NUBPL: variants seen among roughly 807,000 people sequenced by gnomAD.
NUBPL encodes the protein NUBP iron-sulfur cluster assembly factor, mitochondrial.
A neutral mutation model predicts 45.7 loss-of-function variants in NUBPL; 31 were observed. The ratio of observed to expected loss-of-function variants is 0.68; its 90% CI spans 0.51 to 0.92. The LOEUF (loss-of-function observed/expected upper bound fraction) is 0.92. NUBPL is among the 40% of genes least tolerant of loss of function. The pLI, the probability that NUBPL is intolerant of heterozygous loss-of-function variation, is 0.00. For synonymous variants in NUBPL, 144 were observed against 140.9 expected (o/e 1.02, Z -0.15); for missense variants, 401 against 398.7 (o/e 1.01, Z -0.05).
At chr14:31,687,676 A>G (rs969174836) in intron 6 of NUBPL, among the ~76,000 whole-genome samples, 7 of 152,244 alleles carry the variant, frequency 4.6e-5, no homozygotes, top group African/African-American at 1.7e-4. Flanking sequence ...CAATTATTAC[A>G]GTAAAAAGTT....
intron 7 of NUBPL, among the ~76,000 whole-genome samples, chr14:31,802,563 A>T (rs1295533429): frequency 6.6e-6 from 1 of 152,166 alleles, no homozygotes; most frequent in Admixed American, 6.5e-5. Flanking sequence ...GGCGTGAGCC[A>T]CCGTACCTGG....
intron 3 of NUBPL, among the ~76,000 whole-genome samples, chr14:31,580,832 G>T (rs1332216283): frequency 6.6e-6 from 1 of 152,158 alleles, no homozygotes; most frequent in Non-Finnish European, 1.5e-5. Context: ...TAAACAGGAA[G>T]AAGGTCCATG....
At chr14:31,771,197 C>T (rs1026131435) in intron 6 of NUBPL, among the ~76,000 whole-genome samples, 1 of 152,086 alleles carries the variant, frequency 6.6e-6, no homozygotes, top group East Asian at 1.9e-4. Flanking sequence ...AGGAAATTTA[C>T]ACTCTAGATT....
Position 31,682,441 on chromosome 14 carries a change from G to A in NUBPL, c.513+8867G>A, listed in dbSNP as rs567360802. 3.3e-5 allele frequency among the ~76,000 whole-genome samples: 5 copies of A among 152,032 alleles called. No individual in the cohort carries two copies. The South Asian group carries it at 6.2e-4, about 19-fold the overall frequency. On this transcript the variant is annotated intron_variant, in intron 6 of 10. Coordinates refer to ENST00000281081, the MANE Select transcript of NUBPL (RefSeq NM_025152.3). ...GTGAGTCTCTTGATTTCAACATTTA[G>A]TTGTATCTTACTGTTTTATCCAGTT... is the stretch of plus-strand genomic sequence containing the variant.
Position 31,671,330 on chromosome 14 carries a change from G to A in NUBPL, c.383-2025G>A, listed in dbSNP as rs553837279. On this transcript the variant is annotated intron_variant, in intron 4 of 10. Transcript: ENST00000281081. ...CTTGACTATTGCGAATAGTGCTGCA[G>A]TAAACATAGGAGTGCAGATATCTCT... 5.3e-5 allele frequency among the ~76,000 whole-genome samples: 8 copies of A among 152,318 alleles called. No homozygotes were observed. In the East Asian group the frequency reaches 1.5e-3, roughly 29 times the overall value.
At chr14:31,583,060 A>G (rs537602141) in intron 3 of NUBPL, among the ~76,000 whole-genome samples, 2 of 152,186 alleles carry the variant, frequency 1.3e-5, no homozygotes, top group Non-Finnish European at 2.9e-5. Context: ...TGACATTTTC[A>G]TATTTGCCGT....
chr14:31,777,925 A>G (rs1055166451), intron 6 of NUBPL, among the ~76,000 whole-genome samples: 2 of 152,196 alleles, frequency 1.3e-5, no homozygotes, highest in East Asian at 3.8e-4. Flanking sequence ...AGGCAGCTCT[A>G]TTAACAGTGC....
rs575216375 is a variant in NUBPL at position 31,762,955 on chromosome 14, C to A, written c.514-24825C>A. 6.6e-5 allele frequency among the ~76,000 whole-genome samples: 10 copies of A among 152,206 alleles called. No individual in the cohort carries two copies. In the East Asian group the frequency reaches 1.7e-3, roughly 26 times the overall value. ...AGAGGACTTAGCCAAGTAAGACTAA[C>A]CAATAATTCTTGAGTTTTCTTCATA... On this transcript the variant is annotated intron_variant, in intron 6 of 10. Coordinates refer to ENST00000281081, the MANE Select transcript of NUBPL (RefSeq NM_025152.3).
intron 4 of NUBPL, among the ~76,000 whole-genome samples, chr14:31,638,846 C>G (rs1415648253): frequency 6.6e-6 from 1 of 152,218 alleles, no homozygotes; most frequent in African/African-American, 2.4e-5. Flanking sequence ...CATCTTCCAT[C>G]ACTGATACCC....
At chr14:31,646,660 T>C (rs2035862118) in intron 4 of NUBPL, among the ~76,000 whole-genome samples, 1 of 152,054 alleles carries the variant, frequency 6.6e-6, no homozygotes, top group South Asian at 2.1e-4. Flanking sequence ...TTGATCTTTT[T>C]GAGTTTGATT....
intron 4 of NUBPL, among the ~76,000 whole-genome samples, chr14:31,616,709 G>A (rs983613118): frequency 6.6e-6 from 1 of 152,124 alleles, no homozygotes; most frequent in Non-Finnish European, 1.5e-5. Context: ...CTTGCATGAC[G>A]CCTCCAGCTT....
At chr14:31,732,609 C>CTTTTTTTTTTTTTTTTTTTT (rs71986817) in intron 6 of NUBPL, among the ~76,000 whole-genome samples, 1 of 81,036 alleles carries the variant, frequency 1.2e-5, no homozygotes. Context: ...AATTTGTTCT[C>CTTTTTTTTTTTTTTTTTTTT]TTTTTTTTTT....
intron 6 of NUBPL, among the ~76,000 whole-genome samples, chr14:31,786,078 A>G (rs527709919): frequency 1.1e-4 from 17 of 152,284 alleles, no homozygotes; most frequent in Admixed American, 2.6e-4. Context: ...GGATCACTTC[A>G]GCCCAGGAGG....
intron 1 of NUBPL, 105 bp downstream of exon 1, chr14:31,561,652 G>A: frequency 1.3e-6 from 1 of 760,806 alleles, no homozygotes; most frequent in Non-Finnish European, 1.9e-6. Context: ...CTCAGTTCCT[G>A]AGACCCCCAG....
At position 31,762,278 on chromosome 14, in the gene NUBPL, C is replaced by T. The variant is rs541501775; in HGVS notation, c.514-25502C>T. Among the ~76,000 whole-genome samples, 8 of 152,318 alleles carry T rather than the reference C, an allele frequency of 5.3e-5. No homozygotes were observed. In the South Asian group the frequency reaches 1.7e-3, roughly 32 times the overall value. On this transcript the variant is annotated intron_variant, in intron 6 of 10. Transcript: ENST00000281081. Reference sequence around the variant, plus strand: ...GAAATCATATTCAGGAACTTTCTTACTTAACTGAACTAGAATAGCTTTTAA... The same window carrying T: ...GAAATCATATTCAGGAACTTTCTTATTTAACTGAACTAGAATAGCTTTTAA...
intron 4 of NUBPL, among the ~76,000 whole-genome samples, chr14:31,668,804 G>A (rs1415866215): frequency 2.0e-5 from 3 of 152,152 alleles, no homozygotes; most frequent in Admixed American, 2.0e-4. Context: ...GAGGTCCCCA[G>A]CCCCTTGCAC....
chr14:31,784,877 G>T (rs1447380405), intron 6 of NUBPL, among the ~76,000 whole-genome samples: 1 of 152,192 alleles, frequency 6.6e-6, no homozygotes, highest in Non-Finnish European at 1.5e-5. Context: ...GAAGGAGAGA[G>T]TTTAATGGTT....
At chr14:31,732,205 G>GAAAAAAAA (rs2038066158) in intron 6 of NUBPL, among the ~76,000 whole-genome samples, 2 of 33,444 alleles carry the variant, frequency 6.0e-5, no homozygotes. Flanking sequence ...AAAAAAAAAT[G>GAAAAAAAA]AAAGAAAGAA....
chr14:31,666,508 T>A (rs1233299459), intron 4 of NUBPL, among the ~76,000 whole-genome samples: 1 of 151,782 alleles, frequency 6.6e-6, no homozygotes, highest in Admixed American at 6.6e-5. Context: ...TGTGATCTGC[T>A]CGCCTCGGCC....
Sources: gnomAD v4.1 joint callset for allele counts (sites outside exome capture counted in the v4.1 genomes callset) on GRCh38, gnomAD v4.1.1 for gene constraint, MANE v1.5 for transcripts, NCBI Gene and HGNC (gene_info 2026-07-23, HGNC 2026-07-21) for gene names.